Variants in PPM1H observed in about 807,000 individuals in gnomAD.
PPM1H encodes the protein protein phosphatase, Mg2+/Mn2+ dependent 1H.
PPM1H carries 27 observed loss-of-function variants against 54.9 expected under a neutral mutation model. That is an observed-to-expected ratio of 0.49 (90% CI 0.36 to 0.68). The LOEUF (loss-of-function observed/expected upper bound fraction) is 0.68, where lower values mean the gene tolerates loss of function less well. PPM1H is among the 30% of genes least tolerant of loss of function. The pLI is 0.00. For synonymous variants in PPM1H, 305 were observed against 270.8 expected, an observed-to-expected ratio of 1.13 and a Z score of -1.24; for missense variants, 596 against 667.8, an observed-to-expected ratio of 0.89 and a Z score of 1.19.
intron 9 of PPM1H, among the ~76,000 whole-genome samples, chr12:62,661,266 G>A (rs2136605577): frequency 6.6e-6 from 1 of 152,326 alleles, no homozygotes; most frequent in Admixed American, 6.5e-5. Context: ...AGAGGGCAGA[G>A]CTGAGGTGTG....
chr12:62,748,529 A>AACACACACACACACACACACACAC (rs3052402), intron 4 of PPM1H, among the ~76,000 whole-genome samples: 3 of 147,290 alleles, frequency 2.0e-5, no homozygotes, highest in African/African-American at 7.6e-5. Flanking sequence ...TTCAGTGTAG[A>AACACACACACACACACACACACAC]ACACACACAC....
chr12:62,669,248 T>G lies in PPM1H; in HGVS notation c.1246-1919A>C. Among the ~76,000 whole-genome samples, 2 of 152,250 alleles carry G rather than the reference T, an allele frequency of 1.3e-5. 1 individual carries two copies. Among genetic ancestry groups the G allele is most frequent in the Non-Finnish European group, 2.9e-5 (2 of 68,042 alleles). ...TGTCAGAATTCTGTCCTCAGGTCAC[T>G]GACGAATGTGGTCCAATTTTCACTG... On this transcript the variant is annotated intron_variant, in intron 8 of 9. Transcript: ENST00000228705.
chr12:62,871,508 G>T (rs1869981654), intron 1 of PPM1H, among the ~76,000 whole-genome samples: 1 of 141,990 alleles, frequency 7.0e-6, no homozygotes. Flanking sequence ...CCGAACTGTG[G>T]TACTTTTTTT....
chr12:62,656,790 T>C (rs767469085), intron 9 of PPM1H, among the ~76,000 whole-genome samples: 2 of 151,598 alleles, frequency 1.3e-5, no homozygotes, highest in Non-Finnish European at 2.9e-5. Context: ...ATTTAAGAGG[T>C]AGAAAAGCTC....
chr12:62,855,011 C>T (rs571730057), intron 1 of PPM1H, among the ~76,000 whole-genome samples: 6 of 152,176 alleles, frequency 3.9e-5, no homozygotes, highest in South Asian at 4.2e-4. Context: ...TTCCTCTAAA[C>T]CAGCCACTTT....
chr12:62,800,753 A>G (rs1256459105), intron 3 of PPM1H, among the ~76,000 whole-genome samples: 1 of 152,240 alleles, frequency 6.6e-6, no homozygotes, highest in African/African-American at 2.4e-5. Flanking sequence ...AAGAAATAAA[A>G]TCTTTAAAAC....
chr12:62,893,252 CAG>C (rs1169817595), intron 1 of PPM1H, among the ~76,000 whole-genome samples: 2 of 152,148 alleles, frequency 1.3e-5, no homozygotes, highest in Non-Finnish European at 2.9e-5. Flanking sequence ...ACCACAGACT[CAG>C]TGGCTTCAAC....
chr12:62,802,892 C>T (rs528931973), intron 2 of PPM1H, among the ~76,000 whole-genome samples: 2 of 152,184 alleles, frequency 1.3e-5, no homozygotes, highest in Non-Finnish European at 2.9e-5. Context: ...CGTGAGCCAC[C>T]GTGCCTGGAA....
chr12:62,652,310 T>A (rs575945511), intron 9 of PPM1H, among the ~76,000 whole-genome samples: 1 of 152,124 alleles, frequency 6.6e-6, no homozygotes, highest in Non-Finnish European at 1.5e-5. Context: ...AGTCTTGGGG[T>A]CAAGTGATCC....
intron 1 of PPM1H, among the ~76,000 whole-genome samples, chr12:62,835,612 G>T (rs922548184): frequency 2.0e-5 from 3 of 152,048 alleles, no homozygotes; most frequent in African/African-American, 7.2e-5. Context: ...TCAATCTAAT[G>T]GGAAGATGGT....
rs1014840377 is a variant in PPM1H at position 62,764,682 on chromosome 12, G to C, written c.869+23544C>G. Among the ~76,000 whole-genome samples the C allele has an allele frequency of 3.3e-5, 5 of 152,256 alleles. No individual in the cohort carries two copies. The Middle Eastern group carries it at 0.01, about 311-fold the overall frequency. On this transcript the variant is annotated intron_variant, in intron 4 of 9. Coordinates refer to ENST00000228705, the MANE Select transcript of PPM1H (RefSeq NM_020700.2). ...CTGTACTAGGCACTGGGCTCAGATG[G>C]GGAAGCAGAGAGGGCAGTTTCTGCT...
intron 4 of PPM1H, chr12:62,755,952 T>C (rs1244983391): frequency 6.6e-6 from 6 of 905,248 alleles, no homozygotes; most frequent in East Asian, 5.0e-5. Flanking sequence ...AATGTGTCAG[T>C]TGTGGGCCTG....
At chr12:62,703,949 C>A (rs1029261769) in intron 6 of PPM1H, among the ~76,000 whole-genome samples, 39 of 149,066 alleles carry the variant, frequency 2.6e-4, no homozygotes, top group African/African-American at 9.0e-4. Flanking sequence ...GCTCTTCCCC[C>A]CTCACTACAT....
At chr12:62,765,157 G>A (rs575794704) in intron 4 of PPM1H, among the ~76,000 whole-genome samples, 1 of 152,294 alleles carries the variant, frequency 6.6e-6, no homozygotes, top group East Asian at 1.9e-4. Flanking sequence ...AGGGTCTGTT[G>A]CTGAAGTTCA....
chr12:62,819,586 AT>A (rs2076889766), intron 2 of PPM1H, among the ~76,000 whole-genome samples: 1 of 152,194 alleles, frequency 6.6e-6, no homozygotes, highest in Non-Finnish European at 1.5e-5. Context: ...ATCCCCTTAC[AT>A]TTCTTCAGGC....
At chr12:62,927,048 A>G (rs1358573048) in intron 1 of PPM1H, among the ~76,000 whole-genome samples, 1 of 152,242 alleles carries the variant, frequency 6.6e-6, no homozygotes, top group Non-Finnish European at 1.5e-5. Context: ...TTCTTCAATA[A>G]TCAAACAGAT....
intron 6 of PPM1H, among the ~76,000 whole-genome samples, chr12:62,705,166 A>G (rs1421541258): frequency 6.6e-6 from 1 of 152,212 alleles, no homozygotes; most frequent in Non-Finnish European, 1.5e-5. Flanking sequence ...TGTGATATAC[A>G]CCGATATTTT....
At chr12:62,822,010 C>A (rs1449259409) in intron 2 of PPM1H, among the ~76,000 whole-genome samples, 1 of 152,054 alleles carries the variant, frequency 6.6e-6, no homozygotes, top group East Asian at 1.9e-4. Context: ...TCAGGAAACC[C>A]ATCTCATGTG....
intron 2 of PPM1H, among the ~76,000 whole-genome samples, chr12:62,821,918 A>C (rs2076905310): frequency 6.6e-6 from 1 of 152,198 alleles, no homozygotes; most frequent in South Asian, 2.1e-4. Context: ...TTAACCTTGA[A>C]TGTGAATGGG....
Sources: gnomAD v4.1 joint callset for allele counts (sites outside exome capture counted in the v4.1 genomes callset) on GRCh38, gnomAD v4.1.1 for gene constraint, MANE v1.5 for transcripts, NCBI Gene and HGNC (gene_info 2026-07-23, HGNC 2026-07-21) for gene names.